Variants in SLCO4C1 observed in about 807,000 individuals in gnomAD.
The protein encoded by SLCO4C1 is organic anion transporter M1.
SLCO4C1 carries 58 observed loss-of-function variants against 72.1 expected under a neutral mutation model. The observed-to-expected ratio is 0.80, with a 90% confidence interval of 0.65 to 1.00. SLCO4C1 has a LOEUF of 1.00. SLCO4C1 is among the 50% of genes least tolerant of loss of function. SLCO4C1 has a pLI of 0.00. For synonymous variants in SLCO4C1, 297 were observed against 312.5 expected (o/e 0.95, Z 0.52); for missense variants, 898 against 857.9 (o/e 1.05, Z -0.58).
chr5:102,294,744 G>A (rs1749616781), intron 1 of SLCO4C1, among the ~76,000 whole-genome samples: 1 of 152,170 alleles, frequency 6.6e-6, no homozygotes, highest in African/African-American at 2.4e-5. Context: ...CAGCGGACTT[G>A]CAATCAATAA....
At chr5:102,247,925 T>TC (rs1748664935) in intron 9 of SLCO4C1, among the ~76,000 whole-genome samples, 1 of 116,110 alleles carries the variant, frequency 8.6e-6, no homozygotes, top group African/African-American at 3.5e-5. Flanking sequence ...AACTTTTTTT[T>TC]TTTTTTTTTT....
rs1749232632 is a variant in SLCO4C1 at position 102,275,541 on chromosome 5, C to A, written c.620-4735G>T. On this transcript the variant is annotated intron_variant, in intron 2 of 12. Coordinates refer to ENST00000310954, the MANE Select transcript of SLCO4C1 (RefSeq NM_180991.5). ...AAACTATGACATGAATGGTCATCACCAGGACATAGTTTAGAGTAGACTTTG... is the reference window on the plus strand; with the variant it reads ...AAACTATGACATGAATGGTCATCACAAGGACATAGTTTAGAGTAGACTTTG... Among the ~76,000 whole-genome samples the A allele has an allele frequency of 2.6e-5, 4 of 152,110 alleles. No homozygotes were observed. The South Asian group carries it at 6.2e-4, about 24-fold the overall frequency.
rs144705663 is a variant in SLCO4C1 at position 102,236,860 on chromosome 5, A to G, written c.2173T>C (p.Ter725ArgextTer42). The G allele has an allele frequency of 5.0e-4, 799 of 1,610,390 alleles. 4 individuals carry two copies. In the South Asian group the frequency reaches 5.3e-3, roughly 11 times the overall value. Residue 725 changes from the stop codon to arginine (R), a stop_lost, in exon 13 of 13, where the codon TGA (stop) becomes CGA (arginine). Transcript: ENST00000310954. Reference sequence around the variant, plus strand: ...AAACAGTCTTCTCTTTTCCCATTTCACCCTTCTTTTACTATTTTGTTGAGA... The same window carrying G: ...AAACAGTCTTCTCTTTTCCCATTTCGCCCTTCTTTTACTATTTTGTTGAGA... ...QDLNKIVKEG[*>R]
chr5:102,239,487 A>G, intron 11 of SLCO4C1, 99 bp from the exon 12 acceptor site: 1 of 859,400 alleles, frequency 1.2e-6, no homozygotes, highest in Non-Finnish European at 1.6e-6. Flanking sequence ...TAGAAATAAA[A>G]ATAAGTATTC....
At chr5:102,264,212 C>A (rs1580253350) in intron 3 of SLCO4C1, among the ~76,000 whole-genome samples, 1 of 152,074 alleles carries the variant, frequency 6.6e-6, no homozygotes, top group Non-Finnish European at 1.5e-5. Flanking sequence ...GACTTCAAAT[C>A]TGGATGTGCT....
At chr5:102,272,236 T>A (rs1034812234) in intron 2 of SLCO4C1, among the ~76,000 whole-genome samples, 4 of 152,140 alleles carry the variant, frequency 2.6e-5, no homozygotes, top group African/African-American at 9.7e-5. Context: ...CTATCTGGGG[T>A]TTATTTATGG....
intron 2 of SLCO4C1, among the ~76,000 whole-genome samples, chr5:102,271,479 GAATA>G (rs1260350603): frequency 1.3e-5 from 2 of 151,456 alleles, no homozygotes; most frequent in African/African-American, 4.8e-5. Flanking sequence ...AGGTCAAAGT[GAATA>G]AATATTTATA....
intron 2 of SLCO4C1, among the ~76,000 whole-genome samples, chr5:102,273,085 C>A (rs1181909606): frequency 6.6e-6 from 1 of 151,498 alleles, no homozygotes; most frequent in Non-Finnish European, 1.5e-5. Context: ...TGGAGGTCAC[C>A]CTGGAATGGT....
At chr5:102,283,512 TA>T (rs1232839188) in intron 2 of SLCO4C1, among the ~76,000 whole-genome samples, 1 of 147,832 alleles carries the variant, frequency 6.8e-6, no homozygotes, top group Non-Finnish European at 1.5e-5. Context: ...TGTGCGTTTT[TA>T]AGAATAGTGA....
chr5:102,292,423 A>G (rs1370332996), intron 1 of SLCO4C1, among the ~76,000 whole-genome samples: 2 of 152,148 alleles, frequency 1.3e-5, no homozygotes, highest in Admixed American at 6.5e-5. Flanking sequence ...ATGACAAGAG[A>G]TAACTTTGAC....
At chr5:102,266,314 T>A in intron 3 of SLCO4C1, among the ~76,000 whole-genome samples, 1 of 152,180 alleles carries the variant, frequency 6.6e-6, no homozygotes, top group Non-Finnish European at 1.5e-5. Context: ...GCCTAAGTGC[T>A]CTGAATAGGA....
At position 102,242,912 on chromosome 5, in the gene SLCO4C1, A is replaced by C. The variant is rs535060188; in HGVS notation, c.1812-2130T>G. Among the ~76,000 whole-genome samples the C allele has an allele frequency of 2.6e-5, 4 of 152,228 alleles. No individual in the cohort carries two copies. In the East Asian group the frequency reaches 7.8e-4, roughly 30 times the overall value. ...ACCAAGCAGGTTATTGGAGTCCCCAATTCCAGAACTTGACTCTTTGACATT... is the reference window on the plus strand; with the variant it reads ...ACCAAGCAGGTTATTGGAGTCCCCACTTCCAGAACTTGACTCTTTGACATT... On this transcript the variant is annotated intron_variant, in intron 10 of 12. Transcript: ENST00000310954.
At chr5:102,253,685 A>T (rs534047015) in intron 8 of SLCO4C1, among the ~76,000 whole-genome samples, 2 of 152,092 alleles carry the variant, frequency 1.3e-5, no homozygotes, top group East Asian at 3.9e-4. Context: ...CACGCCTATA[A>T]TCCCAGCTAC....
intron 1 of SLCO4C1, 42 bp from the exon 2 acceptor site, chr5:102,291,648 C>A: frequency 6.7e-7 from 1 of 1,503,368 alleles, no homozygotes; most frequent in South Asian, 1.2e-5. Flanking sequence ...AATATTTTAC[C>A]ATACGATTAA....
rs115524116 is a variant in SLCO4C1 at position 102,243,182 on chromosome 5, A to G, written c.1812-2400T>C. On this transcript the variant is annotated intron_variant, in intron 10 of 12. Coordinates refer to ENST00000310954, the MANE Select transcript of SLCO4C1 (RefSeq NM_180991.5). Reference sequence around the variant, plus strand: ...GTGGTTTCCATGCCAGCTTAGCCGCAATACAATAGACCAGGTAGACTTCTA... The same window carrying G: ...GTGGTTTCCATGCCAGCTTAGCCGCGATACAATAGACCAGGTAGACTTCTA... Among the ~76,000 whole-genome samples the G allele has an allele frequency of 2.0e-4, 30 of 152,270 alleles. 1 individual carries two copies. The South Asian group carries it at 5.6e-3, about 28-fold the overall frequency.
At chr5:102,264,828 A>G (rs549068692) in intron 3 of SLCO4C1, among the ~76,000 whole-genome samples, 1 of 95,354 alleles carries the variant, frequency 1.0e-5, no homozygotes, top group Admixed American at 1.2e-4. Context: ...CTCAAATTCT[A>G]TGAGCTGATA....
chr5:102,289,796 T>C (rs1749520942), intron 2 of SLCO4C1, among the ~76,000 whole-genome samples: 1 of 152,206 alleles, frequency 6.6e-6, no homozygotes, highest in Non-Finnish European at 1.5e-5. Context: ...CATTCCAAAC[T>C]CTACCACATT....
chr5:102,263,515 T>C (rs927014598), intron 4 of SLCO4C1, among the ~76,000 whole-genome samples, 169 bp downstream of exon 4: 4 of 152,126 alleles, frequency 2.6e-5, no homozygotes, highest in Middle Eastern at 3.2e-3. Flanking sequence ...ACCCAAAAGG[T>C]AATGCAGCCA....
chr5:102,249,401 TA>T (rs1459039100), intron 9 of SLCO4C1, among the ~76,000 whole-genome samples: 2 of 152,120 alleles, frequency 1.3e-5, no homozygotes, highest in Non-Finnish European at 2.9e-5. Flanking sequence ...AGATATTTCA[TA>T]ACTGCAACAA....
Sources: allele counts gnomAD v4.1 joint callset (sites outside exome capture counted in the v4.1 genomes callset), GRCh38; gene constraint gnomAD v4.1.1; transcripts MANE v1.5; gene names NCBI Gene and HGNC (gene_info 2026-07-23, HGNC 2026-07-21).